The following IFIH1 variants were observed in gnomAD, a reference collection of about 807,000 sequenced individuals.
IFIH1 encodes the protein interferon-induced helicase C domain-containing protein 1.
IFIH1 carries 125 observed loss-of-function variants against 107.4 expected under a neutral mutation model. That is an observed-to-expected ratio of 1.16 (90% CI 1.01 to 1.35). IFIH1 has a LOEUF of 1.35. Ranked by LOEUF, IFIH1 falls within the 40% of genes most tolerant of loss-of-function variation. The pLI is 0.00. For missense variants in IFIH1, 1,333 were observed against 1,213.7 expected (o/e 1.10, Z -1.46); for synonymous variants, 458 against 413.2 (o/e 1.11, Z -1.31).
chr2:162,296,988 T>C (rs965677040), intron 3 of IFIH1, among the ~76,000 whole-genome samples: 2 of 152,120 alleles, frequency 1.3e-5, no homozygotes, highest in African/African-American at 4.8e-5. Flanking sequence ...TTTTGTTTCC[T>C]AGGCAGCAAA....
At chr2:162,283,900 T>G (rs769019917) in intron 5 of IFIH1, among the ~76,000 whole-genome samples, 10 of 151,348 alleles carry the variant, frequency 6.6e-5, no homozygotes, top group Admixed American at 1.3e-4. Context: ...AAATCAGTAA[T>G]CAAGTTGGTG....
chr2:162,292,029 G>T (rs917769968), intron 4 of IFIH1, among the ~76,000 whole-genome samples: 10 of 151,792 alleles, frequency 6.6e-5, no homozygotes, highest in African/African-American at 2.4e-4. Flanking sequence ...CCACATTGAG[G>T]ACTAAAAATC....
chr2:162,278,443 A>C (rs2105198879), intron 8 of IFIH1, 115 bp from the exon 9 acceptor site: 1 of 606,410 alleles, frequency 1.6e-6, no homozygotes, highest in South Asian at 2.7e-5. Flanking sequence ...TGTTTAGACA[A>C]AGTAACAGGT....
At chr2:162,277,906 A>G (rs544985225) in intron 9 of IFIH1, among the ~76,000 whole-genome samples, 1 of 152,262 alleles carries the variant, frequency 6.6e-6, no homozygotes, top group East Asian at 1.9e-4. Context: ...CAGCAAAAAC[A>G]TGTAGCTGAT....
At chr2:162,291,947 T>C (rs1683003407) in intron 4 of IFIH1, among the ~76,000 whole-genome samples, 1 of 151,884 alleles carries the variant, frequency 6.6e-6, no homozygotes, top group South Asian at 2.1e-4. Context: ...TGTCTTCAAA[T>C]ATGTATTTGC....
At chr2:162,272,126 A>G in intron 13 of IFIH1, 100 bp downstream of exon 13, 2 of 912,992 alleles carry the variant, frequency 2.2e-6, no homozygotes, top group Non-Finnish European at 3.5e-6. Flanking sequence ...CTTATAATTC[A>G]GCACAATTTT....
chr2:162,278,112 G>A (rs1252209499), intron 9 of IFIH1, 93 bp downstream of exon 9: 1 of 1,071,118 alleles, frequency 9.3e-7, no homozygotes, highest in Non-Finnish European at 1.4e-6. Flanking sequence ...AACTACTTTT[G>A]CTTTCCATTT....
rs2105197482 is a variant in IFIH1 at position 162,277,478 on chromosome 2, C to T, written c.1981G>A (p.Asp661Asn). Residue 661 changes from aspartate to asparagine, a missense_variant, in exon 10 of 16, where the codon GAT becomes AAT. By Grantham distance (23) the Asp-to-Asn change is conservative. Transcript: ENST00000649979. Reference sequence around the variant, plus strand: ...AGTTTCAAAGGTTTCTTTAAATCATCCTCATCTTCATCACCATCACAATAC... The same window carrying T: ...AGTTTCAAAGGTTTCTTTAAATCATTCTCATCTTCATCACCATCACAATAC... The part of the protein sequence containing the change: ...DEYCDGDEDE[D>N]DLKKPLKLDE... 6.2e-7 allele frequency: 1 copy of T among 1,605,760 alleles called. No individual in the cohort carries two copies. The highest frequency in any genetic ancestry group is 8.5e-7 in the Non-Finnish European group (1 of 1,173,518).
chr2:162,277,742 C>G, intron 9 of IFIH1, 49 bp from the exon 10 acceptor site: 1 of 1,543,610 alleles, frequency 6.5e-7, no homozygotes, highest in Non-Finnish European at 8.7e-7. Context: ...TATAAACCCC[C>G]TAAAATTGTG....
Position 162,293,550 on chromosome 2 carries a change from CAGTT to C in IFIH1, c.874+10_874+13del, listed in dbSNP as rs750611730. Reference sequence around the variant, plus strand: ...TTCACACTTTTTAAGGTTTACACAACAGTTAGGCAGTACCTGAATCACTTCCCAT... The same window carrying C: ...TTCACACTTTTTAAGGTTTACACAACAGGCAGTACCTGAATCACTTCCCAT... On this transcript the variant is annotated intron_variant, in intron 4 of 15. Transcript: ENST00000649979. 1 of 1,554,388 alleles carries C rather than the reference CAGTT, an allele frequency of 6.4e-7. No homozygotes were observed. Among genetic ancestry groups the C allele is most frequent in the Non-Finnish European group, 8.9e-7 (1 of 1,127,656 alleles).
At position 162,310,858 on chromosome 2, in the gene IFIH1, A is replaced by G. The variant is rs762589074; in HGVS notation, c.529T>C (p.Trp177Arg). ...LLKRIVQKEN[W>R]FSAFLNVLRQ... ...AGAACATTCAGAAATGCAGAGAACC[A>G]GTTTTCTTTCTGCACAATCCTTTTT... Residue 177 changes from tryptophan to arginine, a missense_variant, in exon 2 of 16, where the codon TGG becomes CGG. By Grantham distance (101) the Trp-to-Arg change is moderately radical (BLOSUM62 -3). Transcript: ENST00000649979. The G allele has an allele frequency of 5.6e-6, 9 of 1,613,296 alleles. No homozygotes were observed. Among genetic ancestry groups the G allele is most frequent in the Middle Eastern group, 1.6e-4 (1 of 6,080 alleles).
rs754807936 is a variant in IFIH1, at chr2:162,282,413, G to C, written c.1259C>G (p.Ser420Cys). ...IISTAQILEN[S>C]LLNLENGEDA... ...TTCTCCATTTTCCAAGTTTAAGAGG[G>C]AGTTTTCAAGGATTTGAGCTGTACT... The change falls in exon 6 of 16, where the codon TCC (serine) becomes TGC (cysteine). Residue 420 changes from serine (S) to cysteine (C), a missense_variant. Transcript: ENST00000649979. The C allele has an allele frequency of 6.2e-7, 1 of 1,611,516 alleles. No individual in the cohort carries two copies. The highest frequency in any genetic ancestry group is 1.1e-5 in the South Asian group (1 of 90,864).
At chr2:162,297,681 A>C (rs1452323486) in intron 3 of IFIH1, among the ~76,000 whole-genome samples, 1 of 152,208 alleles carries the variant, frequency 6.6e-6, no homozygotes, top group Non-Finnish European at 1.5e-5. Context: ...TATCAAAGCT[A>C]ACTATGAAAC....
Position 162,288,071 on chromosome 2 carries a change from C to T in IFIH1, c.1095+64G>A, listed in dbSNP as rs905714071. On this transcript the variant is annotated intron_variant, in intron 5 of 15. Transcript: ENST00000649979. ...TGTGAGTCAATGACACAAATGCCATCATATAAAAGTTTCAGAATAATACAA... is the reference window on the plus strand; with the variant it reads ...TGTGAGTCAATGACACAAATGCCATTATATAAAAGTTTCAGAATAATACAA... The T allele has an allele frequency of 4.4e-5, 45 of 1,025,376 alleles. No individual in the cohort carries two copies. The Admixed American group carries it at 5.1e-4, about 12-fold the overall frequency. The allele number at this position is 1,025,376 out of a possible 1,614,324, so 63.5% of individuals were successfully genotyped here.
rs761278206 is a variant in IFIH1 at position 162,281,526 on chromosome 2, A to T, written c.1326T>A (p.Ile442=). ...CTTTGTTGGTGTGATGACATTCATC[A>T]ATGATAATGAGGGAAAAGTCTTAAA... ...VQLSDFSLII[I]DECHHTNKEA... Residue 442 remains isoleucine, a synonymous_variant, in exon 7 of 16, where the codon ATT becomes ATA. Coordinates refer to ENST00000649979, the MANE Select transcript of IFIH1 (RefSeq NM_022168.4). The T allele has an allele frequency of 6.2e-6, 10 of 1,609,860 alleles. No homozygotes were observed. Among genetic ancestry groups the T allele is most frequent in the Non-Finnish European group, 8.5e-6 (10 of 1,177,112 alleles).
chr2:162,268,241 T>C lies in IFIH1; in HGVS notation c.2653A>G (p.Lys885Glu). ...ELQMQSIMEK[K>E]MKTKRNIAKH... ...GCAATATTTCTCTTGGTTTTCATTTTCTTTTCCATTATACTTTGCATCTGT... is the reference window on the plus strand; with the variant it reads ...GCAATATTTCTCTTGGTTTTCATTTCCTTTTCCATTATACTTTGCATCTGT... The change falls in exon 14 of 16, where the codon AAA (lysine) becomes GAA (glutamate). Residue 885 changes from lysine to glutamate, a missense_variant. Lys to Glu is a moderately conservative substitution (Grantham distance 56). Transcript: ENST00000649979. 6.2e-7 allele frequency: 1 copy of C among 1,612,276 alleles called. No homozygotes were observed. Among genetic ancestry groups the C allele is most frequent in the East Asian group, 2.2e-5 (1 of 44,844 alleles).
At chr2:162,308,464 C>T (rs1683328676) in intron 2 of IFIH1, among the ~76,000 whole-genome samples, 1 of 151,538 alleles carries the variant, frequency 6.6e-6, no homozygotes, top group South Asian at 2.1e-4. Flanking sequence ...ACTGCAACCT[C>T]AGCCTCCTGG....
At chr2:162,296,728 A>G (rs1683090303) in intron 3 of IFIH1, among the ~76,000 whole-genome samples, 1 of 152,104 alleles carries the variant, frequency 6.6e-6, no homozygotes, top group African/African-American at 2.4e-5. Flanking sequence ...GAACTTAGAG[A>G]GATGATTTTG....
At chr2:162,293,042 C>T (rs1396818045) in intron 4 of IFIH1, among the ~76,000 whole-genome samples, 2 of 151,822 alleles carry the variant, frequency 1.3e-5, no homozygotes, top group African/African-American at 4.8e-5. Context: ...TTGGGAAAAA[C>T]CTGGTAAAAT....
Sources: allele counts gnomAD v4.1 joint callset (sites outside exome capture counted in the v4.1 genomes callset), GRCh38; gene constraint gnomAD v4.1.1; transcripts MANE v1.5; gene names NCBI Gene and HGNC (gene_info 2026-07-23, HGNC 2026-07-21).